Variants in ARHGEF3 observed in about 807,000 individuals in gnomAD.
The protein encoded by ARHGEF3 is 59.8 kDA protein.
In ARHGEF3, 28 loss-of-function variants were observed where a neutral mutation model predicts 63.2. That is an observed-to-expected ratio of 0.44 (90% confidence interval 0.33 to 0.61). The LOEUF (loss-of-function observed/expected upper bound fraction) is 0.61, where lower values mean the gene tolerates loss of function less well. Ranked by LOEUF, ARHGEF3 falls within the 20% of genes least tolerant of loss-of-function variation. The pLI is 0.03. For synonymous variants in ARHGEF3, 266 were observed against 254.2 expected, an observed-to-expected ratio of 1.05 and a Z score of -0.44; for missense variants, 533 against 659.3, an observed-to-expected ratio of 0.81 and a Z score of 2.10.
Position 56,910,813 on chromosome 3 carries a change from T to C in ARHGEF3, c.130-28459A>G, listed in dbSNP as rs142981447. On this transcript the variant is annotated intron_variant, in intron 3 of 12. Transcript: ENST00000338458. Reference sequence around the variant, plus strand: ...ACAATCATAATCATAGTGAGCATTTTTGAGCACTAACAAGATAAGCTGTTT... The same window carrying C: ...ACAATCATAATCATAGTGAGCATTTCTGAGCACTAACAAGATAAGCTGTTT... 3.9e-5 allele frequency among the ~76,000 whole-genome samples: 6 copies of C among 152,340 alleles called. No homozygotes were observed. The East Asian group carries it at 7.7e-4, about 20-fold the overall frequency.
intron 2 of ARHGEF3, among the ~76,000 whole-genome samples, chr3:57,024,091 C>T (rs564372969): frequency 4.6e-5 from 7 of 152,254 alleles, no homozygotes; most frequent in African/African-American, 1.4e-4. Context: ...CTTGAGAAAA[C>T]AGCAACACAC....
chr3:56,728,576 A>C lies in ARHGEF3; in HGVS notation c.*694T>G, dbSNP rs982168919. The C allele has an allele frequency of 6.6e-6, 1 of 152,668 alleles. No individual in the cohort carries two copies. The highest frequency in any genetic ancestry group is 2.4e-5 in the African/African-American group (1 of 41,452). 9.5% of individuals were successfully genotyped at this position (152,668 alleles called of 1,614,324 possible). Reference sequence around the variant, plus strand: ...CCTGGTGCCATGTGCATTTCAGTTAAAGATTCAGAGCTGGCAGCCGCTTCT... The same window carrying C: ...CCTGGTGCCATGTGCATTTCAGTTACAGATTCAGAGCTGGCAGCCGCTTCT... On this transcript the variant is annotated 3_prime_UTR_variant, in exon 10 of 10. Coordinates refer to ENST00000296315, the MANE Select transcript of ARHGEF3 (RefSeq NM_019555.3).
chr3:57,028,980 GACAC>G lies in ARHGEF3; in HGVS notation c.62+6104_62+6107del, dbSNP rs58006138. 2.9e-3 allele frequency among the ~76,000 whole-genome samples: 411 copies of G among 142,212 alleles called. 2 individuals carry two copies. The highest frequency in any genetic ancestry group is 5.8e-3 in the African/African-American group (223 of 38,582). The allele number at this position is 142,212 out of a possible 152,430, so 93.3% of individuals were successfully genotyped here. A position where few individuals can be genotyped will look rare whatever the true frequency, so the allele number is the denominator to read the frequency against. ...CATTACAAGGGCAGATAATGGTGAA[GACAC>G]ACACACACACACACACACACACACA... On this transcript the variant is annotated intron_variant, in intron 2 of 12. Coordinates refer to the ARHGEF3 transcript ENST00000338458.
chr3:57,069,690 G>A (rs187560888), intron 1 of ARHGEF3, among the ~76,000 whole-genome samples: 1 of 152,210 alleles, frequency 6.6e-6, no homozygotes, highest in Non-Finnish European at 1.5e-5. Context: ...CTGTCGCCAA[G>A]CTGGAGTGCA....
intron 4 of ARHGEF3, among the ~76,000 whole-genome samples, chr3:56,873,623 T>C (rs2108230933): frequency 6.6e-6 from 1 of 152,248 alleles, no homozygotes; most frequent in Non-Finnish European, 1.5e-5. Flanking sequence ...TTGCCCAGGC[T>C]GTTCTGGAAC....
chr3:56,929,262 T>A lies in ARHGEF3; in HGVS notation c.129+29561A>T, dbSNP rs1050367320. 4.6e-5 allele frequency among the ~76,000 whole-genome samples: 7 copies of A among 152,308 alleles called. No homozygotes were observed. The East Asian group carries it at 7.7e-4, about 17-fold the overall frequency. ...TTGCACTAATTATTTCAGTCCCAAG[T>A]GGCTAGAGTCATGGCTCCTGGTTAA... On this transcript the variant is annotated intron_variant, in intron 3 of 12. Transcript: ENST00000338458.
intron 2 of ARHGEF3, among the ~76,000 whole-genome samples, chr3:57,012,760 C>T (rs905428331): frequency 2.0e-5 from 3 of 152,244 alleles, no homozygotes; most frequent in Admixed American, 6.5e-5. Flanking sequence ...GGTGCCTCCT[C>T]AGCCTTGGCG....
intron 2 of ARHGEF3, among the ~76,000 whole-genome samples, chr3:56,971,531 T>A (rs545527959): frequency 2.0e-5 from 3 of 152,122 alleles, no homozygotes; most frequent in South Asian, 2.1e-4. Flanking sequence ...GGCCCCAACA[T>A]GACCCTTTCC....
At chr3:57,037,876 A>AAAAACAAAACAAAACAAAAC (rs10655156) in intron 1 of ARHGEF3, among the ~76,000 whole-genome samples, 4 of 146,386 alleles carry the variant, frequency 2.7e-5, no homozygotes, top group Non-Finnish European at 6.1e-5. Flanking sequence ...CTCCGTCTCA[A>AAAAACAAAACAAAACAAAAC]AAAACAAAAC....
intron 4 of ARHGEF3, among the ~76,000 whole-genome samples, chr3:56,850,138 A>G (rs1314298539): frequency 2.0e-5 from 3 of 152,076 alleles, no homozygotes; most frequent in Non-Finnish European, 2.9e-5. Flanking sequence ...ATCATCCATC[A>G]CATGTAGGTA....
chr3:56,852,308 G>GT (rs1216272350), intron 4 of ARHGEF3, among the ~76,000 whole-genome samples: 15 of 152,074 alleles, frequency 9.9e-5, no homozygotes, highest in Non-Finnish European at 1.9e-4. Context: ...ATTTTCCTTC[G>GT]TTTTCTTGAT....
At position 56,920,912 on chromosome 3, in the gene ARHGEF3, A is replaced by G. The variant is rs561055134; in HGVS notation, c.129+37911T>C. On this transcript the variant is annotated intron_variant, in intron 3 of 12. Transcript: ENST00000338458. ...CTAAAAATACAAAAAAAAATTAGCC[A>G]GGCGTGGTGGCGGGCACCTGTAGTC... Among the ~76,000 whole-genome samples the G allele has an allele frequency of 5.5e-3, 838 of 152,010 alleles. 10 individuals are homozygous for G. The highest frequency in any genetic ancestry group is 0.019 in the African/African-American group (804 of 41,478).
intron 3 of ARHGEF3, chr3:56,939,929 A>G (rs747337080): frequency 1.3e-5 from 2 of 152,174 alleles, no homozygotes; most frequent in Non-Finnish European, 2.9e-5. Context: ...AGGAGTCACC[A>G]TGGTGGTACA....
chr3:56,744,952 A>C (rs2034284874), intron 7 of ARHGEF3, among the ~76,000 whole-genome samples: 1 of 152,194 alleles, frequency 6.6e-6, no homozygotes, highest in Non-Finnish European at 1.5e-5. Context: ...ACCTGTATAA[A>C]ATTAAGAATT....
At chr3:56,764,654 C>A in intron 2 of ARHGEF3, among the ~76,000 whole-genome samples, 1 of 151,938 alleles carries the variant, frequency 6.6e-6, no homozygotes, top group South Asian at 2.1e-4. Flanking sequence ...AGGCCATGAA[C>A]ATAAGGTACT....
intron 1 of ARHGEF3, chr3:57,079,053 G>A (rs1003644756): frequency 6.2e-6 from 2 of 324,260 alleles, no homozygotes; most frequent in East Asian, 8.8e-5. Context: ...AGACCTAGCA[G>A]GGTAACTCGG....
At chr3:56,889,967 C>T (rs779594595) in intron 3 of ARHGEF3, among the ~76,000 whole-genome samples, 1 of 151,842 alleles carries the variant, frequency 6.6e-6, no homozygotes, top group Non-Finnish European at 1.5e-5. Context: ...AAGGCTGAGG[C>T]AGGAGAATCG....
chr3:57,045,272 C>CA (rs1398375261), intron 1 of ARHGEF3, among the ~76,000 whole-genome samples: 3 of 151,938 alleles, frequency 2.0e-5, no homozygotes, highest in South Asian at 2.1e-4. Flanking sequence ...TGTCTCAAAA[C>CA]AAAAAACAAA....
At chr3:57,070,425 G>A (rs1439842758) in intron 1 of ARHGEF3, among the ~76,000 whole-genome samples, 1 of 152,198 alleles carries the variant, frequency 6.6e-6, no homozygotes, top group Non-Finnish European at 1.5e-5. Context: ...TGTGCAGTTT[G>A]ATGGATGGGT....
Sources: gnomAD v4.1 joint callset for allele counts (sites outside exome capture counted in the v4.1 genomes callset) on GRCh38, gnomAD v4.1.1 for gene constraint, MANE v1.5 for transcripts, NCBI Gene and HGNC (gene_info 2026-07-23, HGNC 2026-07-21) for gene names.